ATRNL1: variants seen among roughly 807,000 people sequenced by gnomAD.
The protein encoded by ATRNL1 is attractin like 1.
In ATRNL1, 95 loss-of-function variants were observed where a neutral mutation model predicts 182.7. The ratio of observed to expected loss-of-function variants is 0.52; its 90% CI spans 0.44 to 0.62. ATRNL1 has a LOEUF of 0.62. Ranked by LOEUF, ATRNL1 falls within the 20% of genes least tolerant of loss-of-function variation. The pLI is 0.00. For missense variants in ATRNL1, 1,471 were observed against 1,679.5 expected (o/e 0.88, Z 2.17); for synonymous variants, 576 against 568.3 (o/e 1.01, Z -0.19).
chr10:115,274,935 TC>T (rs1852037654), intron 13 of ATRNL1, among the ~76,000 whole-genome samples: 1 of 152,178 alleles, frequency 6.6e-6, no homozygotes, highest in Non-Finnish European at 1.5e-5. Context: ...TTCTCCAAAA[TC>T]CATCTGTCTT....
chr10:115,531,672 C>A (rs1308942605), intron 25 of ATRNL1, among the ~76,000 whole-genome samples: 2 of 151,150 alleles, frequency 1.3e-5, no homozygotes, highest in Middle Eastern at 3.4e-3. Flanking sequence ...GTTGCCATTG[C>A]TTTTGGTGTT....
intron 10 of ATRNL1, among the ~76,000 whole-genome samples, chr10:115,245,796 T>A (rs1217663208): frequency 1.3e-5 from 2 of 152,200 alleles, no homozygotes; most frequent in Admixed American, 1.3e-4. Context: ...CGTATTTCTC[T>A]ATGCACTTCG....
chr10:115,163,238 T>A (rs1308221942), intron 6 of ATRNL1, among the ~76,000 whole-genome samples: 2 of 151,948 alleles, frequency 1.3e-5, no homozygotes, highest in African/African-American at 2.4e-5. Flanking sequence ...AACTGCAGAA[T>A]AGGGGCTCAG....
intron 26 of ATRNL1, among the ~76,000 whole-genome samples, chr10:115,694,201 C>T (rs1304776690): frequency 6.6e-6 from 1 of 151,032 alleles, no homozygotes; most frequent in East Asian, 1.9e-4. Context: ...CACACACACA[C>T]ACTTCCCACT....
chr10:115,811,346 T>G (rs1555086947), intron 27 of ATRNL1, among the ~76,000 whole-genome samples: 1 of 152,002 alleles, frequency 6.6e-6, no homozygotes, highest in East Asian at 1.9e-4. Flanking sequence ...TCTATGGTTT[T>G]TATCTTTTTT....
chr10:115,917,345 C>G (rs1214728442), intron 28 of ATRNL1, among the ~76,000 whole-genome samples: 3 of 151,834 alleles, frequency 2.0e-5, no homozygotes, highest in African/African-American at 7.3e-5. Flanking sequence ...CGGCGGGCAC[C>G]TGTAGTTCCA....
intron 19 of ATRNL1, among the ~76,000 whole-genome samples, chr10:115,368,295 C>A (rs571628514): frequency 6.6e-6 from 1 of 152,172 alleles, no homozygotes; most frequent in Non-Finnish European, 1.5e-5. Flanking sequence ...TTTCCAGGTG[C>A]GTCCGTCACC....
At chr10:115,702,084 C>T (rs187551141) in intron 26 of ATRNL1, among the ~76,000 whole-genome samples, 35 of 152,054 alleles carry the variant, frequency 2.3e-4, no homozygotes, top group Admixed American at 5.2e-4. Context: ...GATTGAGTAG[C>T]TACATTCCTG....
intron 13 of ATRNL1, among the ~76,000 whole-genome samples, chr10:115,275,146 C>T (rs1554914488): frequency 6.6e-6 from 1 of 152,186 alleles, no homozygotes; most frequent in Admixed American, 6.5e-5. Flanking sequence ...CCTCACTCCA[C>T]AGGTCAAGGA....
intron 28 of ATRNL1, among the ~76,000 whole-genome samples, chr10:115,926,857 T>A (rs1953252372): frequency 6.6e-6 from 1 of 152,110 alleles, no homozygotes; most frequent in African/African-American, 2.4e-5. Context: ...GAAGATACCA[T>A]TCCTTCTGAA....
At chr10:115,282,916 C>A (rs958895910) in intron 14 of ATRNL1, among the ~76,000 whole-genome samples, 24 of 151,610 alleles carry the variant, frequency 1.6e-4, no homozygotes, top group Admixed American at 5.3e-4. Flanking sequence ...TTTGCTGCAC[C>A]CATCAACCCA....
In ATRNL1 at chr10:115,389,538, G is replaced by GTGTGTA. The variant is rs1843866608; in HGVS notation, c.3176-5118_3176-5117insGTATGT. Among the ~76,000 whole-genome samples the GTGTGTA allele has an allele frequency of 6.4e-4, 33 of 51,402 alleles. 2 individuals carry two copies. Among genetic ancestry groups the GTGTGTA allele is most frequent in the African/African-American group, 3.3e-3 (33 of 10,008 alleles). The allele number at this position is 51,402 out of a possible 152,430, so 33.7% of individuals were successfully genotyped here. ...AGCTGAATAGTATTCAAATGTGTAT[G>GTGTGTA]TGTATATATATATATATATATATAT... On this transcript the variant is annotated intron_variant, in intron 19 of 28. Transcript: ENST00000355044.
At chr10:115,475,419 T>C (rs1020873482) in intron 24 of ATRNL1, among the ~76,000 whole-genome samples, 1 of 151,550 alleles carries the variant, frequency 6.6e-6, no homozygotes, top group Non-Finnish European at 1.5e-5. Context: ...AATGATGTTC[T>C]AGTTGTTATC....
intron 18 of ATRNL1, among the ~76,000 whole-genome samples, chr10:115,323,980 T>C (rs1266111386): frequency 1.3e-5 from 2 of 151,498 alleles, no homozygotes; most frequent in Non-Finnish European, 2.9e-5. Flanking sequence ...GGTTTCACCG[T>C]GTTAGCCAGG....
At chr10:115,755,693 T>C (rs964902615) in intron 27 of ATRNL1, among the ~76,000 whole-genome samples, 7 of 152,122 alleles carry the variant, frequency 4.6e-5, no homozygotes, top group Admixed American at 2.6e-4. Context: ...TAAAATGAGT[T>C]AGGGAGGATT....
At chr10:115,609,680 A>G (rs1232071901) in intron 26 of ATRNL1, among the ~76,000 whole-genome samples, 3 of 152,034 alleles carry the variant, frequency 2.0e-5, no homozygotes, top group Non-Finnish European at 4.4e-5. Context: ...GTACCTGAAA[A>G]TAGGGAAATG....
chr10:115,429,868 C>G (rs529235526), intron 21 of ATRNL1, among the ~76,000 whole-genome samples: 2 of 152,172 alleles, frequency 1.3e-5, no homozygotes, highest in South Asian at 2.1e-4. Context: ...GAGATCGAGA[C>G]CATCCTGGCT....
intron 28 of ATRNL1, among the ~76,000 whole-genome samples, chr10:115,908,699 A>T (rs1453096685): frequency 6.6e-6 from 1 of 152,212 alleles, no homozygotes; most frequent in Non-Finnish European, 1.5e-5. Context: ...CAGATTTCTC[A>T]GGGCACCTAA....
At chr10:115,550,968 G>A (rs1204365241) in intron 26 of ATRNL1, among the ~76,000 whole-genome samples, 12 of 151,682 alleles carry the variant, frequency 7.9e-5, no homozygotes, top group African/African-American at 2.9e-4. Context: ...ATGCATCTAT[G>A]TAAATATAGC....
Sources: gnomAD v4.1 joint callset for allele counts (sites outside exome capture counted in the v4.1 genomes callset) on GRCh38, gnomAD v4.1.1 for gene constraint, MANE v1.5 for transcripts, NCBI Gene and HGNC (gene_info 2026-07-23, HGNC 2026-07-21) for gene names.